ANO6: variants seen among roughly 807,000 people sequenced by gnomAD.
ANO6 encodes anoctamin 6, also known as anoctamin-6.
A neutral mutation model predicts 117.5 loss-of-function variants in ANO6; 106 were observed. That is an observed-to-expected ratio of 0.90 (90% CI 0.77 to 1.06). The LOEUF (loss-of-function observed/expected upper bound fraction) is 1.06. Ranked by LOEUF, ANO6 falls within the 50% of genes least tolerant of loss-of-function variation. The pLI is 0.00. For synonymous variants in ANO6, 367 were observed against 385.1 expected (o/e 0.95, Z 0.55); for missense variants, 955 against 1,121.1 (o/e 0.85, Z 2.12).
intron 1 of ANO6, chr12:45,292,646 A>G (rs1396175411): frequency 2.7e-5 from 32 of 1,186,300 alleles, no homozygotes; most frequent in Non-Finnish European, 3.2e-5. Context: ...CAAAGGACGC[A>G]TGTTTAACTT....
rs1361248965 is a variant in ANO6, at chr12:45,431,233, C to T, written c.*1922C>T. The T allele has an allele frequency of 2.1e-5, 21 of 985,254 alleles. No individual in the cohort carries two copies. Among genetic ancestry groups the T allele is most frequent in the African/African-American group, 3.5e-5 (2 of 57,234 alleles). The allele number at this position is 985,254 out of a possible 1,614,324, so 61.0% of individuals were successfully genotyped here. ...ATGAATTTCTTCCCACTGAAGGAAA[C>T]TCTTTCTCATTCGCAGCCAAGACGG... On this transcript the variant is annotated 3_prime_UTR_variant, in exon 20 of 20. Transcript: ENST00000320560.
chr12:45,254,684 CAG>C (rs1483788814), intron 1 of ANO6, among the ~76,000 whole-genome samples: 1 of 152,144 alleles, frequency 6.6e-6, no homozygotes, highest in Non-Finnish European at 1.5e-5. Flanking sequence ...AAAATAGTGA[CAG>C]AAAACTTTTT....
At chr12:45,315,215 G>A (rs575827184) in intron 2 of ANO6, among the ~76,000 whole-genome samples, 1 of 152,080 alleles carries the variant, frequency 6.6e-6, no homozygotes, top group African/African-American at 2.4e-5. Flanking sequence ...TGAGGCCAAA[G>A]AACTGAATTT....
At chr12:45,390,391 T>C (rs113554881) in intron 11 of ANO6, 30 bp from the exon 12 acceptor site, 16 of 1,541,900 alleles carry the variant, frequency 1.0e-5, no homozygotes, top group Non-Finnish European at 1.4e-5. Flanking sequence ...AATCCCTTGA[T>C]TGACTAAACT....
At chr12:45,422,174 T>G (rs1484072103) in intron 18 of ANO6, among the ~76,000 whole-genome samples, 1 of 152,146 alleles carries the variant, frequency 6.6e-6, no homozygotes, top group Non-Finnish European at 1.5e-5. Flanking sequence ...ATGTCCTACC[T>G]GAGGAAGATA....
intron 10 of ANO6, among the ~76,000 whole-genome samples, chr12:45,385,694 A>G (rs1402863230): frequency 6.6e-6 from 1 of 152,196 alleles, no homozygotes; most frequent in African/African-American, 2.4e-5. Flanking sequence ...AAAGAAGCCA[A>G]TACTCACTTC....
chr12:45,438,712 C>T (rs868829334), intron 19 of ANO6, among the ~76,000 whole-genome samples: 7 of 152,026 alleles, frequency 4.6e-5, no homozygotes, highest in Non-Finnish European at 7.4e-5. Context: ...CCAAGGATAT[C>T]AAATAAGGGA....
Position 45,226,711 on chromosome 12 carries a change from A to G in ANO6, c.70+10320A>G, listed in dbSNP as rs565745623. Among the ~76,000 whole-genome samples, 113 of 152,240 alleles carry G rather than the reference A, an allele frequency of 7.4e-4. 1 individual carries two copies. The highest frequency in any genetic ancestry group is 5.6e-3 in the Admixed American group (86 of 15,294). On this transcript the variant is annotated intron_variant, in intron 1 of 19. Coordinates refer to ENST00000320560, the MANE Select transcript of ANO6 (RefSeq NM_001025356.3). ...GGCTAAAGTTTTCTTGTGGTGTCAC[A>G]TAGTCACAGTCTTATACATGCTTTT...
At chr12:45,310,643 A>G (rs1209358567) in intron 2 of ANO6, among the ~76,000 whole-genome samples, 1 of 152,140 alleles carries the variant, frequency 6.6e-6, no homozygotes, top group Non-Finnish European at 1.5e-5. Context: ...TGAAGTCTAC[A>G]GAAGCTCATG....
chr12:45,379,070 A>G (rs1942104147), intron 10 of ANO6, among the ~76,000 whole-genome samples: 1 of 152,208 alleles, frequency 6.6e-6, no homozygotes, highest in Non-Finnish European at 1.5e-5. Flanking sequence ...AAAAATTTCC[A>G]TTTTCAAAAT....
At chr12:45,337,697 A>G (rs954473292) in intron 3 of ANO6, among the ~76,000 whole-genome samples, 2 of 151,992 alleles carry the variant, frequency 1.3e-5, no homozygotes, top group Non-Finnish European at 2.9e-5. Flanking sequence ...TTTTAGTTAG[A>G]TAAGAGGGAT....
At chr12:45,319,176 G>T (rs1211344301) in intron 2 of ANO6, among the ~76,000 whole-genome samples, 4 of 152,136 alleles carry the variant, frequency 2.6e-5, no homozygotes, top group Non-Finnish European at 5.9e-5. Flanking sequence ...GTGAGAGAGG[G>T]CATCCCTGTC....
chr12:45,385,314 G>A (rs1010959125), intron 10 of ANO6, among the ~76,000 whole-genome samples: 5 of 152,244 alleles, frequency 3.3e-5, no homozygotes, highest in Admixed American at 1.3e-4. Flanking sequence ...GCACATGACC[G>A]CTGGAATGAT....
intron 8 of ANO6, among the ~76,000 whole-genome samples, chr12:45,362,463 T>C (rs1565719584): frequency 6.6e-6 from 1 of 152,114 alleles, no homozygotes; most frequent in Non-Finnish European, 1.5e-5. Flanking sequence ...TTTTGTTACT[T>C]TTCTGTCCTG....
chr12:45,422,143 C>T (rs1592049365), intron 18 of ANO6, among the ~76,000 whole-genome samples: 1 of 152,272 alleles, frequency 6.6e-6, no homozygotes, highest in South Asian at 2.1e-4. Flanking sequence ...GGTTTAATAG[C>T]TTACAGGCAT....
At chr12:45,277,790 C>G (rs148971625) in intron 1 of ANO6, among the ~76,000 whole-genome samples, 57 of 152,152 alleles carry the variant, frequency 3.7e-4, no homozygotes, top group African/African-American at 1.3e-3. Flanking sequence ...GCCATTCTGA[C>G]TTATGATCCT....
intron 2 of ANO6, among the ~76,000 whole-genome samples, chr12:45,303,719 G>T (rs1177161896): frequency 6.6e-6 from 1 of 152,170 alleles, no homozygotes; most frequent in African/African-American, 2.4e-5. Flanking sequence ...CAAAGTGGAA[G>T]AAGACAGCTA....
chr12:45,384,142 A>C (rs987772454), intron 10 of ANO6, among the ~76,000 whole-genome samples: 4 of 152,040 alleles, frequency 2.6e-5, no homozygotes, highest in African/African-American at 9.7e-5. Context: ...TCATGAACCA[A>C]CCTCTGCTAG....
intron 1 of ANO6, among the ~76,000 whole-genome samples, chr12:45,289,310 G>C (rs1336555358): frequency 6.6e-6 from 1 of 151,734 alleles, no homozygotes; most frequent in Non-Finnish European, 1.5e-5. Flanking sequence ...CGGATTACAG[G>C]TGCCTGCCAC....
Sources: gnomAD v4.1 joint callset for allele counts (sites outside exome capture counted in the v4.1 genomes callset) on GRCh38, gnomAD v4.1.1 for gene constraint, MANE v1.5 for transcripts, NCBI Gene and HGNC (gene_info 2026-07-23, HGNC 2026-07-21) for gene names.